FHIP1A: variants seen among roughly 807,000 people sequenced by gnomAD.
FHIP1A encodes the protein FHF complex subunit HOOK-interacting protein 1A.
FHIP1A carries 61 observed loss-of-function variants against 88.6 expected under a neutral mutation model. That is an observed-to-expected ratio of 0.69 (90% CI 0.56 to 0.85). The LOEUF (loss-of-function observed/expected upper bound fraction) is 0.85. Ranked by LOEUF, FHIP1A falls within the 40% of genes least tolerant of loss-of-function variation. The pLI is 0.00. For missense variants in FHIP1A, 1,154 were observed against 1,273.5 expected (o/e 0.91, Z 1.43); for synonymous variants, 478 against 496.0 (o/e 0.96, Z 0.48).
intron 7 of FHIP1A, among the ~76,000 whole-genome samples, chr4:151,624,815 G>A (rs72954898): frequency 0.034 from 5,140 of 152,214 alleles, 295 homozygotes; most frequent in African/African-American, 0.12. Context: ...GGAGGCATAG[G>A]GGAGCCGACG....
chr4:151,547,907 C>T (rs1379801074), intron 3 of FHIP1A, among the ~76,000 whole-genome samples: 2 of 151,650 alleles, frequency 1.3e-5, no homozygotes, highest in Non-Finnish European at 2.9e-5. Context: ...GAGTGAGACT[C>T]CCTCTCAAAA....
At chr4:151,600,427 A>T (rs924473837) in intron 7 of FHIP1A, among the ~76,000 whole-genome samples, 1 of 152,172 alleles carries the variant, frequency 6.6e-6, no homozygotes, top group Non-Finnish European at 1.5e-5. Context: ...TATGTTATGT[A>T]TTTAGTCAGG....
At chr4:151,439,740 T>G (rs566349423) in intron 1 of FHIP1A, among the ~76,000 whole-genome samples, 1 of 152,342 alleles carries the variant, frequency 6.6e-6, no homozygotes, top group Middle Eastern at 3.4e-3. Context: ...TCCTTTAGAA[T>G]TTTAGAACTG....
At chr4:151,587,209 A>G (rs1352131915) in intron 6 of FHIP1A, among the ~76,000 whole-genome samples, 1 of 152,200 alleles carries the variant, frequency 6.6e-6, no homozygotes, top group Non-Finnish European at 1.5e-5. Context: ...CTACATAAAG[A>G]ATATTGTTAT....
At chr4:151,487,491 A>G (rs963129263) in intron 3 of FHIP1A, among the ~76,000 whole-genome samples, 13 of 151,220 alleles carry the variant, frequency 8.6e-5, no homozygotes, top group African/African-American at 2.4e-4. Context: ...AACTCCCACA[A>G]CTCTCTCCTA....
rs907768797 is a variant in FHIP1A, at chr4:151,662,644, C to G, written c.3013C>G (p.Leu1005Val). 6 of 1,551,562 alleles carry G rather than the reference C, an allele frequency of 3.9e-6. No individual in the cohort carries two copies. The highest frequency in any genetic ancestry group is 5.2e-6 in the Non-Finnish European group (6 of 1,147,002). ...GCCCCTGCCGGTGAGGAACCCCATGCTGGCTGCTGCCCTCTTCCCAGAGTT... is the reference window on the plus strand; with the variant it reads ...GCCCCTGCCGGTGAGGAACCCCATGGTGGCTGCTGCCCTCTTCCCAGAGTT... ...NLPLPVRNPM[L>V]AAALFPEFLK... The change falls in exon 14 of 14, where the codon CTG becomes GTG. Residue 1005 changes from leucine to valine, a missense_variant. By Grantham distance (32) the Leu-to-Val change is conservative. Coordinates refer to ENST00000435205, the MANE Select transcript of FHIP1A (RefSeq NM_001109977.3).
chr4:151,608,553 A>G (rs1476633349), intron 7 of FHIP1A, among the ~76,000 whole-genome samples: 1 of 152,222 alleles, frequency 6.6e-6, no homozygotes, highest in African/African-American at 2.4e-5. Context: ...GAATTTGCAC[A>G]TGAGCCGGCA....
At chr4:151,467,426 A>G (rs192598741) in intron 2 of FHIP1A, among the ~76,000 whole-genome samples, 41 of 152,322 alleles carry the variant, frequency 2.7e-4, no homozygotes, top group African/African-American at 5.8e-4. Flanking sequence ...TGATTCCTCA[A>G]GGATCTAGAA....
intron 2 of FHIP1A, among the ~76,000 whole-genome samples, chr4:151,466,068 A>G (rs1246533600): frequency 6.6e-6 from 1 of 152,178 alleles, no homozygotes; most frequent in African/African-American, 2.4e-5. Flanking sequence ...ACATGATTCT[A>G]TGTTTAGAAG....
chr4:151,499,580 T>C (rs544374523), intron 3 of FHIP1A, among the ~76,000 whole-genome samples: 6 of 152,238 alleles, frequency 3.9e-5, no homozygotes, highest in African/African-American at 1.4e-4. Flanking sequence ...GTTGAACTTA[T>C]GTCTGCATCC....
chr4:151,491,742 C>G (rs908938962), intron 3 of FHIP1A, among the ~76,000 whole-genome samples: 8 of 152,128 alleles, frequency 5.3e-5, no homozygotes, highest in Non-Finnish European at 1.2e-4. Context: ...CTGCTGTCTT[C>G]AAGAGACTCA....
At chr4:151,530,028 A>G (rs367970723) in intron 3 of FHIP1A, among the ~76,000 whole-genome samples, 1 of 152,130 alleles carries the variant, frequency 6.6e-6, no homozygotes, top group African/African-American at 2.4e-5. Context: ...CTATGTTTTC[A>G]TCTTTAGGAA....
intron 11 of FHIP1A, among the ~76,000 whole-genome samples, chr4:151,652,080 A>T (rs769476006): frequency 4.6e-5 from 7 of 152,208 alleles, no homozygotes; most frequent in Non-Finnish European, 7.3e-5. Context: ...CATGAAGATT[A>T]TTCTTTAGAA....
Position 151,566,531 on chromosome 4 carries a change from T to C in FHIP1A, c.105+167T>C, listed in dbSNP as rs550397879. On this transcript the variant is annotated intron_variant, in intron 4 of 13. Transcript: ENST00000435205. ...AAGTAACTTTTTCTTCTTGCTTTCCTAGAATAGGTATCTGGTCAAAAACCA... is the reference window on the plus strand; with the variant it reads ...AAGTAACTTTTTCTTCTTGCTTTCCCAGAATAGGTATCTGGTCAAAAACCA... Among the ~76,000 whole-genome samples the C allele has an allele frequency of 3.3e-4, 51 of 152,308 alleles. 2 individuals are homozygous for C. Among genetic ancestry groups the C allele is most frequent in the Admixed American group, 2.7e-3 (41 of 15,298 alleles).
intron 1 of FHIP1A, among the ~76,000 whole-genome samples, chr4:151,439,045 T>C (rs1728310063): frequency 6.6e-6 from 1 of 152,326 alleles, no homozygotes; most frequent in South Asian, 2.1e-4. Context: ...GATTATATTA[T>C]ATAGTTTCAA....
chr4:151,667,237 C>T lies in FHIP1A; in HGVS notation c.*4483C>T, dbSNP rs1355375505. The T allele has an allele frequency of 6.6e-6, 1 of 152,194 alleles. No homozygotes were observed. Among genetic ancestry groups the T allele is most frequent in the Admixed American group, 6.5e-5 (1 of 15,284 alleles). 9.4% of individuals were successfully genotyped at this position (152,194 alleles called of 1,614,324 possible). Reference sequence around the variant, plus strand: ...TAAGTCATTAGGAAGATATTCTAGGCCCCTTGTTGCTTCAGCCATCAGTCT... The same window carrying T: ...TAAGTCATTAGGAAGATATTCTAGGTCCCTTGTTGCTTCAGCCATCAGTCT... On this transcript the variant is annotated 3_prime_UTR_variant, in exon 14 of 14. Transcript: ENST00000435205.
chr4:151,564,141 G>C (rs1441064331), intron 3 of FHIP1A, among the ~76,000 whole-genome samples: 1 of 152,180 alleles, frequency 6.6e-6, no homozygotes, highest in Non-Finnish European at 1.5e-5. Context: ...AAGGATCTTA[G>C]CATATCTTTC....
intron 13 of FHIP1A, among the ~76,000 whole-genome samples, chr4:151,660,001 G>T (rs1276069090): frequency 6.6e-6 from 1 of 152,190 alleles, no homozygotes; most frequent in Non-Finnish European, 1.5e-5. Context: ...TATATTCAGA[G>T]CCCTTTTACT....
In FHIP1A at chr4:151,649,384, A is replaced by T. The variant is rs1578861104; in HGVS notation, c.1418-75A>T. The stretch of plus-strand genomic sequence containing the variant: ...GCTGGCAAGACACAGTCTTAGCCCG[A>T]ATGGGTCACAACCCCATCCACTACC... On this transcript the variant is annotated intron_variant, in intron 10 of 13. Coordinates refer to ENST00000435205, the MANE Select transcript of FHIP1A (RefSeq NM_001109977.3). The T allele has an allele frequency of 8.5e-6, 9 of 1,062,474 alleles. No individual in the cohort carries two copies. In the East Asian group the frequency reaches 2.3e-4, roughly 28 times the overall value. The allele number at this position is 1,062,474 out of a possible 1,614,324, so 65.8% of individuals were successfully genotyped here. A position where few individuals can be genotyped will look rare whatever the true frequency, so the allele number is the denominator to read the frequency against.
Sources: gnomAD v4.1 joint callset for allele counts (sites outside exome capture counted in the v4.1 genomes callset) on GRCh38, gnomAD v4.1.1 for gene constraint, MANE v1.5 for transcripts, NCBI Gene and HGNC (gene_info 2026-07-23, HGNC 2026-07-21) for gene names.